The following PIAS2 variants were observed in gnomAD, a reference collection of about 807,000 sequenced individuals.
PIAS2 encodes the protein protein inhibitor of activated STAT 2.
In PIAS2, 19 loss-of-function variants were observed where a neutral mutation model predicts 69.7. The ratio of observed to expected loss-of-function variants is 0.27; its 90% CI spans 0.19 to 0.40. PIAS2 has a LOEUF of 0.40. PIAS2 is among the 10% of genes least tolerant of loss of function. The pLI is 1.00. For synonymous variants in PIAS2, 261 were observed against 263.2 expected (o/e 0.99, Z 0.08); for missense variants, 624 against 757.0 (o/e 0.82, Z 2.06).
At chr18:46,876,252 C>A (rs2051165895) in intron 2 of PIAS2, among the ~76,000 whole-genome samples, 1 of 152,144 alleles carries the variant, frequency 6.6e-6, no homozygotes, top group African/African-American at 2.4e-5. Context: ...CAAGAGATAG[C>A]CCTCATGGGT....
chr18:46,896,165 C>CAAAAAAAAAAAAAAAAAAAAATAAAAA (rs1199712335), intron 1 of PIAS2, among the ~76,000 whole-genome samples: 1 of 31,950 alleles, frequency 3.1e-5, no homozygotes, highest in Non-Finnish European at 6.2e-5. Flanking sequence ...AAGAAAAAAG[C>CAAAAAAAAAAAAAAAAAAAAATAAAAA]AAAAAAAAAA....
rs2053923489 is a variant in PIAS2 at position 46,890,583 on chromosome 18, A to C, written c.496T>G (p.Leu166Val). The stretch of plus-strand genomic sequence containing the variant: ...AACTGAATTCTCAAACACTTACCTA[A>C]ACTCGTGGGCTTGATGAGAACATCA... ...VLDVLIKPTS[L>V]VQSSIQRFQE... The change falls in exon 2 of 14, where the codon TTA becomes GTA. Residue 166 changes from leucine (L) to valine (V), a missense_variant. By Grantham distance (32) the Leu-to-Val change is conservative. This residue lies in a region of PIAS2 where 339 missense variants were observed against 408.8 expected (regional missense o/e 0.83). Coordinates refer to ENST00000585916, the MANE Select transcript of PIAS2 (RefSeq NM_004671.5). 3 of 1,597,630 alleles carry C rather than the reference A, an allele frequency of 1.9e-6. No homozygotes were observed. Among genetic ancestry groups the C allele is most frequent in the Non-Finnish European group, 2.6e-6 (3 of 1,166,348 alleles).
intron 3 of PIAS2, among the ~76,000 whole-genome samples, chr18:46,862,728 A>G (rs969197663): frequency 2.6e-5 from 4 of 152,154 alleles, no homozygotes; most frequent in East Asian, 1.9e-4. Context: ...CTTTTGAGAT[A>G]GAGTTTCACT....
chr18:46,917,601 C>A, upstream of PIAS2: 2 of 1,015,352 alleles, frequency 2.0e-6, no homozygotes, highest in Non-Finnish European at 2.4e-6. Flanking sequence ...CCCGCGCCTT[C>A]AGTCCGCGCG....
chr18:46,859,124 A>G (rs546796828), intron 3 of PIAS2, among the ~76,000 whole-genome samples: 1 of 152,262 alleles, frequency 6.6e-6, no homozygotes, highest in East Asian at 1.9e-4. Flanking sequence ...AATATTCAGA[A>G]TGACATAAAA....
intron 1 of PIAS2, among the ~76,000 whole-genome samples, chr18:46,900,505 CA>C (rs770336105): frequency 7.8e-4 from 112 of 142,796 alleles, no homozygotes; most frequent in African/African-American, 1.1e-3. Context: ...CAGGTTCTAC[CA>C]AAAAAAAAAA....
rs2041050747 is a variant in PIAS2, at chr18:46,812,267, C to A, written c.*166G>T. On this transcript the variant is annotated 3_prime_UTR_variant, in exon 14 of 14. Transcript: ENST00000585916. ...AAAAATCCTTGCATGTCATTTGGTT[C>A]TTGTTGCAGTCTTCTGTGTTCACCC... 3.8e-6 allele frequency: 2 copies of A among 531,666 alleles called. No homozygotes were observed. The highest frequency in any genetic ancestry group is 3.3e-6 in the Non-Finnish European group (1 of 300,350). 32.9% of individuals were successfully genotyped at this position (531,666 alleles called of 1,614,324 possible).
At chr18:46,881,239 C>T (rs987215801) in intron 2 of PIAS2, among the ~76,000 whole-genome samples, 1 of 152,126 alleles carries the variant, frequency 6.6e-6, no homozygotes, top group Non-Finnish European at 1.5e-5. Flanking sequence ...AGGCTCTTTC[C>T]TAGCAAACCT....
At chr18:46,864,596 C>A (rs1216863620) in intron 2 of PIAS2, among the ~76,000 whole-genome samples, 2 of 152,018 alleles carry the variant, frequency 1.3e-5, no homozygotes, top group Non-Finnish European at 2.9e-5. Context: ...CATGGAGAAA[C>A]CCCATCTCTA....
chr18:46,879,198 T>G (rs1024077553), intron 2 of PIAS2, among the ~76,000 whole-genome samples: 4 of 152,164 alleles, frequency 2.6e-5, no homozygotes, highest in African/African-American at 9.7e-5. Context: ...GGAGCAGGAC[T>G]TCTAAAACTC....
intron 2 of PIAS2, among the ~76,000 whole-genome samples, chr18:46,871,594 T>G (rs2050368541): frequency 6.6e-6 from 1 of 152,190 alleles, no homozygotes; most frequent in African/African-American, 2.4e-5. Context: ...CAAGAGCCCT[T>G]GATAAACTTA....
Position 46,844,624 on chromosome 18 carries a change from A to C in PIAS2, c.967+110T>G, listed in dbSNP as rs2045905162. On this transcript the variant is annotated intron_variant, in intron 7 of 13. Coordinates refer to ENST00000585916, the MANE Select transcript of PIAS2 (RefSeq NM_004671.5). ...TAAATTAGTATATACACAAGCTAAC[A>C]AATATATACTAATATATTGATGTGA... 3 of 413,680 alleles carry C rather than the reference A, an allele frequency of 7.3e-6. No homozygotes were observed. The East Asian group carries it at 1.1e-4, about 15-fold the overall frequency. 25.6% of individuals were successfully genotyped at this position (413,680 alleles called of 1,614,324 possible).
At chr18:46,885,121 A>G (rs1652189720) in intron 2 of PIAS2, among the ~76,000 whole-genome samples, 5 of 152,202 alleles carry the variant, frequency 3.3e-5, no homozygotes, top group Admixed American at 2.6e-4. Context: ...AAGATACCAC[A>G]ATTTTTCACT....
intron 1 of PIAS2, among the ~76,000 whole-genome samples, chr18:46,913,111 T>C: frequency 6.6e-6 from 1 of 152,196 alleles, no homozygotes; most frequent in Non-Finnish European, 1.5e-5. Context: ...TTCTGTTATA[T>C]CTATCATAGC....
chr18:46,823,602 T>C (rs937073157), intron 11 of PIAS2, among the ~76,000 whole-genome samples: 2 of 152,186 alleles, frequency 1.3e-5, no homozygotes, highest in South Asian at 4.1e-4. Context: ...ACTCCTTACT[T>C]AGGCAACACC....
In PIAS2 at chr18:46,855,103, TAAAAAAA is replaced by T. The variant is rs59957336; in HGVS notation, c.726+235_726+241del. On this transcript the variant is annotated intron_variant, in intron 5 of 13. Coordinates refer to ENST00000585916, the MANE Select transcript of PIAS2 (RefSeq NM_004671.5). ...GGAACACAGTAGGACCTTGTCTCTT[TAAAAAAA>T]AAAAAAAAAAAAAAAAAAAAATTCC... 3.3e-3 allele frequency among the ~76,000 whole-genome samples: 253 copies of T among 76,348 alleles called. 1 individual carries two copies. Among genetic ancestry groups the T allele is most frequent in the Middle Eastern group, 0.01 (1 of 98 alleles). The allele number at this position is 76,348 out of a possible 152,430, so 50.1% of individuals were successfully genotyped here.
intron 2 of PIAS2, among the ~76,000 whole-genome samples, chr18:46,870,763 G>A (rs967606110): frequency 2.6e-5 from 4 of 152,052 alleles, no homozygotes; most frequent in African/African-American, 4.8e-5. Flanking sequence ...CCTCTTTTCA[G>A]GGGAAGAAAG....
In PIAS2 at chr18:46,834,905, T is replaced by C. The variant is rs181822006; in HGVS notation, c.1202+1452A>G. Among the ~76,000 whole-genome samples the C allele has an allele frequency of 5.1e-3, 782 of 152,334 alleles. 1 individual carries two copies. The highest frequency in any genetic ancestry group is 0.014 in the South Asian group (66 of 4,824). On this transcript the variant is annotated intron_variant, in intron 9 of 13. Coordinates refer to ENST00000585916, the MANE Select transcript of PIAS2 (RefSeq NM_004671.5). ...GAAGGGAAAAATAGCTTACTCCTCC[T>C]GGGAGGCATCTTAATAATAAATAGT...
intron 2 of PIAS2, among the ~76,000 whole-genome samples, chr18:46,868,145 A>G (rs2049779154): frequency 6.6e-6 from 1 of 152,186 alleles, no homozygotes; most frequent in Non-Finnish European, 1.5e-5. Context: ...GAAACAAGCC[A>G]CCCACACACT....
Sources: gnomAD v4.1 joint callset for allele counts (sites outside exome capture counted in the v4.1 genomes callset) on GRCh38, gnomAD v4.1.1 for gene constraint, gnomAD v4.1.1 regional missense constraint, MANE v1.5 for transcripts, NCBI Gene and HGNC (gene_info 2026-07-23, HGNC 2026-07-21) for gene names.